Variants in CDC73 observed in about 807,000 individuals in gnomAD.
CDC73 encodes cell division cycle 73, also known as parafibromin.
Under a neutral mutation model 83.7 loss-of-function variants are expected in CDC73, and 21 were observed. That is an observed-to-expected ratio of 0.25 (90% CI 0.18 to 0.36). CDC73 has a LOEUF of 0.36. CDC73 is among the 10% of genes least tolerant of loss of function. The pLI is 1.00. For missense variants in CDC73, 342 were observed against 653.3 expected, an observed-to-expected ratio of 0.52 and a Z score of 5.19; for synonymous variants, 224 against 212.9, an observed-to-expected ratio of 1.05 and a Z score of -0.45.
At chr1:193,180,939 T>G in intron 10 of CDC73, 1 of 1,613,630 alleles carries the variant, frequency 6.2e-7, no homozygotes, top group Non-Finnish European at 8.5e-7. Flanking sequence ...ATTGTCTGCT[T>G]TCTTCCAGTA....
At chr1:193,127,632 A>G (rs200858350) in intron 2 of CDC73, among the ~76,000 whole-genome samples, 3 of 152,162 alleles carry the variant, frequency 2.0e-5, no homozygotes, top group East Asian at 1.9e-4. Context: ...GGTTGTGCAT[A>G]TAACTGATAG....
chr1:193,222,074 C>G (rs572091228), intron 13 of CDC73, among the ~76,000 whole-genome samples: 1 of 152,046 alleles, frequency 6.6e-6, no homozygotes, highest in Admixed American at 6.6e-5. Flanking sequence ...AACATGCTAA[C>G]AAACAAAATT....
intron 15 of CDC73, among the ~76,000 whole-genome samples, chr1:193,242,515 G>T (rs978389649): frequency 3.3e-5 from 5 of 152,168 alleles, no homozygotes; most frequent in Admixed American, 2.6e-4. Flanking sequence ...TATTCAAAGT[G>T]TGATTATCTA....
chr1:193,129,005 T>G (rs947859395), intron 2 of CDC73, among the ~76,000 whole-genome samples: 3 of 150,062 alleles, frequency 2.0e-5, no homozygotes, highest in African/African-American at 7.4e-5. Flanking sequence ...TTTTTTTTTT[T>G]TTTTTTTTTT....
At chr1:193,143,381 AT>A (rs1259960659) in intron 7 of CDC73, among the ~76,000 whole-genome samples, 3 of 152,204 alleles carry the variant, frequency 2.0e-5, no homozygotes, top group Non-Finnish European at 4.4e-5. Context: ...AAATAAAAAA[AT>A]CTCAAACTCA....
At chr1:193,158,861 T>G (rs1458448758) in intron 10 of CDC73, among the ~76,000 whole-genome samples, 1 of 152,188 alleles carries the variant, frequency 6.6e-6, no homozygotes, top group Non-Finnish European at 1.5e-5. Context: ...TCCCTTAAGT[T>G]TTGAAAGTTT....
At chr1:193,248,551 G>A (rs370380119) in intron 15 of CDC73, among the ~76,000 whole-genome samples, 77 of 152,136 alleles carry the variant, frequency 5.1e-4, no homozygotes, top group African/African-American at 1.7e-3. Context: ...ATGGATCAGG[G>A]AACAGTAAAT....
chr1:193,122,076 T>C lies in CDC73; in HGVS notation c.-125T>C. 1 of 880,756 alleles carries C rather than the reference T, an allele frequency of 1.1e-6. No homozygotes were observed. The highest frequency in any genetic ancestry group is 1.5e-5 in the South Asian group (1 of 68,154). The allele number at this position is 880,756 out of a possible 1,614,324, so 54.6% of individuals were successfully genotyped here. ...CGTAGGCGAGGACGGCTGTTAGTGC[T>C]GCTGCTGTTGGTTCGTCGCGGCGGC... On this transcript the variant is annotated 5_prime_UTR_variant, in exon 1 of 17. Coordinates refer to ENST00000367435, the MANE Select transcript of CDC73 (RefSeq NM_024529.5).
At chr1:193,181,786 C>T in intron 10 of CDC73, 1 of 422,816 alleles carries the variant, frequency 2.4e-6, no homozygotes, top group South Asian at 8.7e-5. Context: ...AAAATATAAC[C>T]CAGGAACGAA....
chr1:193,243,220 G>A (rs1158368909), intron 15 of CDC73, among the ~76,000 whole-genome samples: 1 of 152,066 alleles, frequency 6.6e-6, no homozygotes, highest in Non-Finnish European at 1.5e-5. Flanking sequence ...GATTACAGGC[G>A]TGAGCCACCG....
At chr1:193,213,322 T>G (rs1572202907) in intron 13 of CDC73, among the ~76,000 whole-genome samples, 1 of 152,110 alleles carries the variant, frequency 6.6e-6, no homozygotes, top group South Asian at 2.1e-4. Context: ...TTCAGAATGC[T>G]ATCAAGTTTT....
intron 13 of CDC73, among the ~76,000 whole-genome samples, chr1:193,216,843 C>T (rs1164661901): frequency 6.6e-6 from 1 of 152,150 alleles, no homozygotes; most frequent in Non-Finnish European, 1.5e-5. Flanking sequence ...AAAAAAATTA[C>T]ATGGTCATCT....
rs558081733 is a variant in CDC73, at chr1:193,166,288, T to C, written c.972+13844T>C. On this transcript the variant is annotated intron_variant, in intron 10 of 16. Coordinates refer to ENST00000367435, the MANE Select transcript of CDC73 (RefSeq NM_024529.5). ...GCTCAATCACTGCTCCCACCTCAGC[T>C]GGGACCACAGGCATGCACTGCAATG... is the stretch of plus-strand genomic sequence containing the variant. Among the ~76,000 whole-genome samples the C allele has an allele frequency of 2.4e-4, 36 of 152,256 alleles. No homozygotes were observed. In the South Asian group the frequency reaches 7.5e-3, roughly 32 times the overall value.
At chr1:193,211,805 G>A (rs565405174) in intron 11 of CDC73, among the ~76,000 whole-genome samples, 1 of 152,274 alleles carries the variant, frequency 6.6e-6, no homozygotes, top group South Asian at 2.1e-4. Flanking sequence ...GACCACAGTG[G>A]ACTGTGGTTA....
intron 13 of CDC73, among the ~76,000 whole-genome samples, chr1:193,229,304 G>GT (rs1677616482): frequency 6.6e-6 from 1 of 152,224 alleles, no homozygotes; most frequent in Admixed American, 6.5e-5. Context: ...CCCAGACCTT[G>GT]AAACTACCCT....
At chr1:193,237,465 TG>T (rs1553291537) in intron 15 of CDC73, among the ~76,000 whole-genome samples, 1 of 152,192 alleles carries the variant, frequency 6.6e-6, no homozygotes, top group Non-Finnish European at 1.5e-5. Flanking sequence ...TGAAGTCAAC[TG>T]GATTCTCTTA....
At chr1:193,125,448 GA>G (rs1456978727) in intron 2 of CDC73, among the ~76,000 whole-genome samples, 1 of 152,162 alleles carries the variant, frequency 6.6e-6, no homozygotes, top group East Asian at 1.9e-4. Context: ...TGTTAAAGAT[GA>G]GGGGGTCTTG....
At position 193,249,901 on chromosome 1, in the gene CDC73, G is replaced by A. The variant is rs150154725; in HGVS notation, c.1559+30G>A. On this transcript the variant is annotated intron_variant, in intron 16 of 16. Transcript: ENST00000367435. ...TTCCGATTCTAAAATATGCTTGTGT[G>A]TGTTTTATTGTAATTTTTCTGTCTC... The A allele has an allele frequency of 3.7e-6, 6 of 1,606,690 alleles. No individual in the cohort carries two copies. In the African/African-American group the frequency reaches 8.0e-5, roughly 21 times the overall value.
intron 11 of CDC73, among the ~76,000 whole-genome samples, chr1:193,211,694 C>G (rs1194653947): frequency 6.6e-6 from 1 of 152,118 alleles, no homozygotes; most frequent in African/African-American, 2.4e-5. Flanking sequence ...CATTCACATC[C>G]TGGGTGGGGC....
Sources: gnomAD v4.1 joint callset for allele counts (sites outside exome capture counted in the v4.1 genomes callset) on GRCh38, gnomAD v4.1.1 for gene constraint, MANE v1.5 for transcripts, NCBI Gene and HGNC (gene_info 2026-07-23, HGNC 2026-07-21) for gene names.